POLR3B: variants seen among roughly 807,000 people sequenced by gnomAD.
POLR3B encodes DNA-directed RNA polymerase III subunit RPC2.
POLR3B carries 96 observed loss-of-function variants against 147.4 expected under a neutral mutation model. The ratio of observed to expected loss-of-function variants is 0.65; its 90% confidence interval spans 0.55 to 0.77. POLR3B has a LOEUF of 0.77. Among genes scored for constraint, POLR3B ranks in the 30% least tolerant of loss-of-function variants. POLR3B has a pLI of 0.00. For synonymous variants in POLR3B, 461 were observed against 485.9 expected (o/e 0.95, Z 0.67); for missense variants, 1,036 against 1,413.5 (o/e 0.73, Z 4.28).
At chr12:106,396,648 G>A (rs1197668394) in intron 10 of POLR3B, among the ~76,000 whole-genome samples, 1 of 152,174 alleles carries the variant, frequency 6.6e-6, no homozygotes, top group Non-Finnish European at 1.5e-5. Flanking sequence ...AGTGGGGTTA[G>A]GAAAGCCTTC....
At chr12:106,482,815 CT>C (rs1419819121) in intron 23 of POLR3B, among the ~76,000 whole-genome samples, 2 of 152,126 alleles carry the variant, frequency 1.3e-5, no homozygotes, top group African/African-American at 2.4e-5. Context: ...TTGAGGAATC[CT>C]TTATTAAATA....
At chr12:106,396,821 G>A (rs2036985580) in intron 10 of POLR3B, among the ~76,000 whole-genome samples, 1 of 151,848 alleles carries the variant, frequency 6.6e-6, no homozygotes, top group Non-Finnish European at 1.5e-5. Context: ...GCCAGGCATA[G>A]TAGGTCACAC....
rs537500958 is a variant in POLR3B at position 106,410,395 on chromosome 12, C to T, written c.967-431C>T. On this transcript the variant is annotated intron_variant, in intron 11 of 27. Coordinates refer to ENST00000228347, the MANE Select transcript of POLR3B (RefSeq NM_018082.6). ...TAGCCTCTCTCTCTGTGCAACAGAG[C>T]GTTCTGGACTTTAGTGTCTCAGGAC... The T allele has an allele frequency of 1.0e-4, 19 of 182,312 alleles. No homozygotes were observed. In the South Asian group the frequency reaches 1.7e-3, roughly 16 times the overall value. 11.3% of individuals were successfully genotyped at this position (182,312 alleles called of 1,614,324 possible).
At chr12:106,479,387 T>TC (rs1487112700) in intron 23 of POLR3B, among the ~76,000 whole-genome samples, 7 of 140,298 alleles carry the variant, frequency 5.0e-5, no homozygotes, top group East Asian at 3.9e-4. Flanking sequence ...TCTCTCTCTC[T>TC]TTTTTTTTTT....
chr12:106,448,909 A>G (rs1019331340), intron 19 of POLR3B, among the ~76,000 whole-genome samples: 3 of 152,120 alleles, frequency 2.0e-5, no homozygotes, highest in Admixed American at 6.5e-5. Context: ...ACCAAAACTA[A>G]CTTCTTTTCT....
At position 106,443,960 on chromosome 12, in the gene POLR3B, G is replaced by A. The variant is rs139128317; in HGVS notation, c.1956-503G>A. Among the ~76,000 whole-genome samples, 220 of 152,226 alleles carry A rather than the reference G, an allele frequency of 1.4e-3. 1 individual carries two copies. The highest frequency in any genetic ancestry group is 2.3e-3 in the Admixed American group (35 of 15,292). On this transcript the variant is annotated intron_variant, in intron 18 of 27. Transcript: ENST00000228347. ...CTGCCTCAGCCTCCCAAGTAGCTGC[G>A]ACTACAGGTGGGTGCCACCACACCC...
chr12:106,362,943 A>G (rs940631300), intron 1 of POLR3B, among the ~76,000 whole-genome samples: 6 of 151,824 alleles, frequency 4.0e-5, no homozygotes, highest in East Asian at 1.9e-4. Flanking sequence ...TTTTCAGTCT[A>G]TCCCCCCAAG....
intron 10 of POLR3B, among the ~76,000 whole-genome samples, chr12:106,398,833 A>G (rs1187741931): frequency 6.6e-6 from 1 of 152,206 alleles, no homozygotes; most frequent in Non-Finnish European, 1.5e-5. Context: ...ACCCATCTGT[A>G]CGTCACCATC....
intron 10 of POLR3B, among the ~76,000 whole-genome samples, chr12:106,395,648 A>T (rs116906727): frequency 1.8e-3 from 270 of 152,194 alleles, no homozygotes; most frequent in Non-Finnish European, 3.0e-3. Context: ...ACTTTGGAAG[A>T]TGTGGCACTT....
chr12:106,454,477 T>C (rs1372029722), intron 19 of POLR3B, 25 bp from the exon 20 acceptor site: 1 of 1,103,170 alleles, frequency 9.1e-7, no homozygotes, highest in South Asian at 1.2e-5. Context: ...AATGTTGTAT[T>C]TTGTTTTCTC....
At chr12:106,383,655 C>T (rs919041190) in intron 9 of POLR3B, among the ~76,000 whole-genome samples, 2 of 152,008 alleles carry the variant, frequency 1.3e-5, no homozygotes, top group Non-Finnish European at 2.9e-5. Flanking sequence ...CGGTTTGTGG[C>T]ACCCCAAAAC....
chr12:106,406,255 A>G (rs1436804296), intron 11 of POLR3B, among the ~76,000 whole-genome samples: 4 of 152,216 alleles, frequency 2.6e-5, no homozygotes, highest in Non-Finnish European at 5.9e-5. Flanking sequence ...TAGTACTGCT[A>G]CTAGATTTCA....
At chr12:106,499,709 G>A (rs1349270311) in intron 25 of POLR3B, among the ~76,000 whole-genome samples, 2 of 152,172 alleles carry the variant, frequency 1.3e-5, no homozygotes, top group Non-Finnish European at 2.9e-5. Flanking sequence ...CACTCAGCTA[G>A]AGAGGTCATG....
rs540229238 is a variant in POLR3B at position 106,459,192 on chromosome 12, A to C, written c.2453-59A>C. 4.8e-5 allele frequency: 47 copies of C among 981,068 alleles called. No homozygotes were observed. The African/African-American group carries it at 6.7e-4, about 14-fold the overall frequency. 60.8% of individuals were successfully genotyped at this position (981,068 alleles called of 1,614,324 possible). The stretch of plus-strand genomic sequence containing the variant: ...GCCTGTGCATCTTTGCCTAGTTCGT[A>C]ATCTTTGTATTCCACACAGATGATA... On this transcript the variant is annotated intron_variant, in intron 21 of 27. Coordinates refer to ENST00000228347, the MANE Select transcript of POLR3B (RefSeq NM_018082.6).
intron 6 of POLR3B, among the ~76,000 whole-genome samples, chr12:106,374,517 TG>T (rs1446312060): frequency 1.3e-5 from 2 of 151,224 alleles, no homozygotes; most frequent in East Asian, 1.9e-4. Context: ...ATTTGTGGCA[TG>T]TTTTTTTTTT....
chr12:106,504,923 C>CTT lies in POLR3B; in HGVS notation c.3272+670_3272+671dup, dbSNP rs2038662390. 6.6e-6 allele frequency among the ~76,000 whole-genome samples: 1 copy of CTT among 152,192 alleles called. No individual in the cohort carries two copies. The highest frequency in any genetic ancestry group is 2.1e-4 in the South Asian group (1 of 4,822). ...ACAGTGGATGGCTGCTCCCAAGGAG[C>CTT]TTATCTTCTAGTTCATTCTGATTGC... On this transcript the variant is annotated intron_variant, in intron 27 of 27. Transcript: ENST00000228347. The surrounding 1 kb of genome is among the most constrained non-coding windows in gnomAD (Gnocchi z 4.6).
chr12:106,496,087 A>T lies in POLR3B; in HGVS notation c.2746A>T (p.Met916Leu). The stretch of plus-strand genomic sequence containing the variant: ...TGGCTTGATCGTCCCCCAGGAAGAC[A>T]TGCCATTTTGTGATTCTGGCATCTG... ...VCGLIVPQED[M>L]PFCDSGICPD... is the part of the protein sequence containing the mutation. Residue 916 changes from methionine (M) to leucine (L), a missense_variant, in exon 24 of 28, where the codon ATG (methionine) becomes TTG (leucine). This residue lies in a region of POLR3B where 202 missense variants were observed against 272.8 expected (regional missense o/e 0.74). Transcript: ENST00000228347. 2 of 1,612,794 alleles carry T rather than the reference A, an allele frequency of 1.2e-6. No homozygotes were observed. The highest frequency in any genetic ancestry group is 2.2e-5 in the South Asian group (2 of 91,062).
At chr12:106,399,619 A>G (rs1040701252) in intron 10 of POLR3B, among the ~76,000 whole-genome samples, 1 of 152,258 alleles carries the variant, frequency 6.6e-6, no homozygotes, top group Non-Finnish European at 1.5e-5. Flanking sequence ...TCAGACTAAC[A>G]GCGGATCTCT....
chr12:106,463,582 A>G lies in POLR3B; in HGVS notation c.2675A>G (p.Glu892Gly). 1 of 1,613,816 alleles carries G rather than the reference A, an allele frequency of 6.2e-7. No homozygotes were observed. The highest frequency in any genetic ancestry group is 2.2e-5 in the East Asian group (1 of 44,862). ...CTGCTGAGACAGACAAGGCGTCCAG[A>G]AATTGGAGACAAATTCAGCAGTCGT... ...KMLLRQTRRPEIGDKFSSRHG... is the reference protein window; with the variant it reads ...KMLLRQTRRPGIGDKFSSRHG... The change falls in exon 23 of 28, where the codon GAA becomes GGA. Residue 892 changes from glutamate (E) to glycine (G), a missense_variant. Glu to Gly is a moderately conservative substitution (Grantham distance 98). This residue lies in a region of POLR3B where 202 missense variants were observed against 272.8 expected (regional missense o/e 0.74). Coordinates refer to ENST00000228347, the MANE Select transcript of POLR3B (RefSeq NM_018082.6).
Sources: gnomAD v4.1 joint callset for allele counts (sites outside exome capture counted in the v4.1 genomes callset) on GRCh38, gnomAD v4.1.1 for gene constraint, gnomAD v4.1.1 regional missense constraint, Gnocchi (gnomAD v3.1) non-coding constraint, MANE v1.5 for transcripts, NCBI Gene and HGNC (gene_info 2026-07-23, HGNC 2026-07-21) for gene names.